SPOCK1: variants seen among roughly 807,000 people sequenced by gnomAD.
The protein encoded by SPOCK1 is testican-1.
SPOCK1 carries 23 observed loss-of-function variants against 55.3 expected under a neutral mutation model. The ratio of observed to expected loss-of-function variants is 0.42; its 90% confidence interval spans 0.30 to 0.59. The LOEUF (loss-of-function observed/expected upper bound fraction) is 0.59, where lower values mean the gene tolerates loss of function less well. Ranked by LOEUF, SPOCK1 falls within the 20% of genes least tolerant of loss-of-function variation. The probability of loss-of-function intolerance (pLI) is 0.22; values close to 1 mark genes in which losing one functional copy is unlikely to be tolerated. For missense variants in SPOCK1, 499 were observed against 552.5 expected (o/e 0.90, Z 0.97); for synonymous variants, 226 against 221.0 (o/e 1.02, Z -0.20).
intron 2 of SPOCK1, among the ~76,000 whole-genome samples, chr5:137,294,235 G>A (rs940224251): frequency 1.3e-5 from 2 of 152,076 alleles, no homozygotes; most frequent in Non-Finnish European, 2.9e-5. Flanking sequence ...AAATAATTGA[G>A]AGTTAGCTGT....
At chr5:137,403,024 C>CT (rs2127184901) in intron 2 of SPOCK1, among the ~76,000 whole-genome samples, 1 of 152,344 alleles carries the variant, frequency 6.6e-6, no homozygotes, top group East Asian at 1.9e-4. Context: ...GGTCACACAG[C>CT]TGATGACTTC....
At chr5:137,423,933 A>G (rs2974494) in intron 2 of SPOCK1, among the ~76,000 whole-genome samples, 56,079 of 151,988 alleles carry the variant, frequency 0.37, 11,130 homozygotes, top group East Asian at 0.64. Flanking sequence ...GTTTTTTTCC[A>G]TATAACCCAT....
At chr5:137,108,914 C>T (rs547116487) in intron 5 of SPOCK1, among the ~76,000 whole-genome samples, 1 of 152,330 alleles carries the variant, frequency 6.6e-6, no homozygotes, top group African/African-American at 2.4e-5. Context: ...AGTCAACTTT[C>T]CTGCCCAAAC....
intron 2 of SPOCK1, among the ~76,000 whole-genome samples, chr5:137,300,463 G>T (rs537731379): frequency 3.9e-5 from 6 of 152,162 alleles, no homozygotes; most frequent in Non-Finnish European, 8.8e-5. Flanking sequence ...TGGCCACAAA[G>T]AGTCTCTAGG....
intron 6 of SPOCK1, among the ~76,000 whole-genome samples, chr5:137,013,933 T>C (rs1340519483): frequency 6.6e-6 from 1 of 152,082 alleles, no homozygotes; most frequent in East Asian, 1.9e-4. Flanking sequence ...TGGGGGCGCA[T>C]CGGGGTAGTA....
At chr5:137,424,656 A>T (rs1198015110) in intron 2 of SPOCK1, among the ~76,000 whole-genome samples, 1 of 152,250 alleles carries the variant, frequency 6.6e-6, no homozygotes, top group Non-Finnish European at 1.5e-5. Flanking sequence ...AATGGAAAGT[A>T]GTCAGCAATA....
chr5:137,261,891 C>T lies in SPOCK1; in HGVS notation c.232+5119G>A, dbSNP rs56842050. On this transcript the variant is annotated intron_variant, in intron 3 of 10. Transcript: ENST00000394945. ...TTGGGGAGGTTCTTTCCTGAGTGCA[C>T]CCTGGCTCCAGCAGAGAACCTGTTA... Among the ~76,000 whole-genome samples the T allele has an allele frequency of 4.5e-3, 686 of 152,246 alleles. 9 individuals carry two copies. The highest frequency in any genetic ancestry group is 0.015 in the African/African-American group (642 of 41,536).
intron 3 of SPOCK1, among the ~76,000 whole-genome samples, chr5:137,261,325 T>TA (rs1756738402): frequency 6.6e-6 from 1 of 152,190 alleles, no homozygotes; most frequent in Non-Finnish European, 1.5e-5. Flanking sequence ...CAGACACCCT[T>TA]TAAGACCTTG....
intron 6 of SPOCK1, among the ~76,000 whole-genome samples, chr5:137,022,450 T>C (rs1751595144): frequency 6.6e-6 from 1 of 152,074 alleles, no homozygotes; most frequent in East Asian, 1.9e-4. Context: ...CGATCAGTAA[T>C]TTGTTATTAT....
intron 5 of SPOCK1, among the ~76,000 whole-genome samples, chr5:137,079,586 T>G (rs1343316366): frequency 6.8e-6 from 1 of 147,614 alleles, no homozygotes; most frequent in African/African-American, 2.5e-5. Context: ...AAACTAACAT[T>G]TTGCTCTCAA....
At chr5:137,014,555 G>A (rs1561579837) in intron 6 of SPOCK1, among the ~76,000 whole-genome samples, 1 of 152,110 alleles carries the variant, frequency 6.6e-6, no homozygotes, top group African/African-American at 2.4e-5. Flanking sequence ...TAATTTACAA[G>A]CTAGTTAAGC....
At chr5:137,231,521 G>A (rs1199370414) in intron 3 of SPOCK1, among the ~76,000 whole-genome samples, 3 of 152,156 alleles carry the variant, frequency 2.0e-5, no homozygotes, top group African/African-American at 7.2e-5. Context: ...TTTTCACTCA[G>A]CAAAATTTCC....
At chr5:137,068,489 T>G (rs1227202311) in intron 5 of SPOCK1, among the ~76,000 whole-genome samples, 1 of 152,234 alleles carries the variant, frequency 6.6e-6, no homozygotes, top group Non-Finnish European at 1.5e-5. Context: ...ATCCACATCC[T>G]CTTGTCAACC....
chr5:137,294,589 A>G (rs759761416), intron 2 of SPOCK1, among the ~76,000 whole-genome samples: 8 of 152,168 alleles, frequency 5.3e-5, no homozygotes, highest in Admixed American at 3.3e-4. Context: ...TCTCAAACTG[A>G]CATTTTCCAT....
At chr5:137,282,585 C>T (rs1384114249) in intron 2 of SPOCK1, among the ~76,000 whole-genome samples, 18 of 152,196 alleles carry the variant, frequency 1.2e-4, no homozygotes, top group Admixed American at 1.1e-3. Context: ...GGTGATAAAG[C>T]AAACAGAAAT....
intron 3 of SPOCK1, among the ~76,000 whole-genome samples, chr5:137,218,836 A>G (rs13355334): frequency 0.017 from 2,650 of 152,204 alleles, 80 homozygotes; most frequent in African/African-American, 0.06. Context: ...ACCAGACAAT[A>G]CCACCAAAGG....
At chr5:136,979,186 T>G in intron 10 of SPOCK1, 146 bp downstream of exon 10, 2 of 1,206,632 alleles carry the variant, frequency 1.7e-6, no homozygotes, top group Non-Finnish European at 2.3e-6. Flanking sequence ...CGGGAGCTCA[T>G]GTGATTTCAG....
At chr5:137,335,176 G>T (rs1048719642) in intron 2 of SPOCK1, among the ~76,000 whole-genome samples, 8 of 152,258 alleles carry the variant, frequency 5.3e-5, no homozygotes, top group African/African-American at 1.9e-4. Context: ...TACTTAAAAT[G>T]GGCTAATACT....
intron 3 of SPOCK1, among the ~76,000 whole-genome samples, chr5:137,239,458 C>T (rs975016949): frequency 1.8e-4 from 27 of 152,134 alleles, no homozygotes; most frequent in Admixed American, 1.2e-3. Flanking sequence ...ACATATTGAA[C>T]ATGAGACGGG....
Sources: allele counts gnomAD v4.1 joint callset (sites outside exome capture counted in the v4.1 genomes callset), GRCh38; gene constraint gnomAD v4.1.1; transcripts MANE v1.5; gene names NCBI Gene and HGNC (gene_info 2026-07-23, HGNC 2026-07-21).